TMEM117: variants seen among roughly 807,000 people sequenced by gnomAD.
TMEM117 encodes transmembrane protein 117.
Under a neutral mutation model 52.4 loss-of-function variants are expected in TMEM117, and 27 were observed. The ratio of observed to expected loss-of-function variants is 0.51; its 90% CI spans 0.38 to 0.71. The LOEUF (loss-of-function observed/expected upper bound fraction) is 0.71, where lower values mean the gene tolerates loss of function less well. TMEM117 is among the 30% of genes least tolerant of loss of function. The pLI, the probability that TMEM117 is intolerant of heterozygous loss-of-function variation, is 0.00. For synonymous variants in TMEM117, 215 were observed against 206.3 expected (o/e 1.04, Z -0.36); for missense variants, 556 against 630.5 (o/e 0.88, Z 1.26).
intron 5 of TMEM117, among the ~76,000 whole-genome samples, chr12:44,284,059 A>T (rs2138602926): frequency 6.6e-6 from 1 of 152,260 alleles, no homozygotes; most frequent in Non-Finnish European, 1.5e-5. Context: ...TCACATCTGT[A>T]ATCCCAGCAC....
chr12:43,869,353 G>A (rs1488348359), intron 2 of TMEM117, among the ~76,000 whole-genome samples: 2 of 152,128 alleles, frequency 1.3e-5, no homozygotes, highest in African/African-American at 4.8e-5. Flanking sequence ...CATTTATGAT[G>A]TGCCAGCTAC....
chr12:43,960,292 A>AG (rs1592395010), intron 3 of TMEM117, among the ~76,000 whole-genome samples: 1 of 141,814 alleles, frequency 7.1e-6, no homozygotes, highest in African/African-American at 2.6e-5. Context: ...GGCCCTGGAG[A>AG]GGGGGGTTGA....
chr12:43,929,850 C>T (rs985256315), intron 2 of TMEM117, among the ~76,000 whole-genome samples: 2 of 151,974 alleles, frequency 1.3e-5, no homozygotes, highest in Admixed American at 6.6e-5. Flanking sequence ...CTGACTTCTA[C>T]GTTATAATGC....
At chr12:44,130,199 T>C (rs1454010592) in intron 3 of TMEM117, among the ~76,000 whole-genome samples, 2 of 152,204 alleles carry the variant, frequency 1.3e-5, no homozygotes, top group Non-Finnish European at 2.9e-5. Flanking sequence ...CCTGCATAAA[T>C]GTGAAGGCCG....
At chr12:44,351,973 C>A (rs1951568455) in intron 6 of TMEM117, among the ~76,000 whole-genome samples, 1 of 151,966 alleles carries the variant, frequency 6.6e-6, no homozygotes, top group Admixed American at 6.6e-5. Context: ...CATTTCCCAG[C>A]AATCGCCCTC....
intron 3 of TMEM117, among the ~76,000 whole-genome samples, chr12:44,048,174 A>C (rs185731809): frequency 6.6e-6 from 1 of 152,158 alleles, no homozygotes; most frequent in Admixed American, 6.5e-5. Context: ...GTACACTCTT[A>C]TAGTTAGAGA....
intron 3 of TMEM117, among the ~76,000 whole-genome samples, chr12:43,958,968 G>A (rs867566938): frequency 3.2e-4 from 48 of 152,022 alleles, no homozygotes; most frequent in East Asian, 1.6e-3. Context: ...CACCACGCCC[G>A]GCTAATTTTT....
chr12:44,328,183 G>C (rs1282700289), intron 6 of TMEM117, among the ~76,000 whole-genome samples: 1 of 152,014 alleles, frequency 6.6e-6, no homozygotes, highest in Non-Finnish European at 1.5e-5. Flanking sequence ...AATTGTATTA[G>C]TTATGGCTGA....
intron 3 of TMEM117, among the ~76,000 whole-genome samples, chr12:44,106,074 G>A (rs1287570540): frequency 1.3e-5 from 2 of 151,944 alleles, no homozygotes; most frequent in African/African-American, 2.4e-5. Flanking sequence ...TCCCTCAGAG[G>A]TTTCTACTTA....
the TMEM117 span, chr12:43,795,808 A>T: frequency 3.8e-6 from 6 of 1,587,328 alleles, no homozygotes; most frequent in Non-Finnish European, 5.2e-6. Flanking sequence ...ACAAGCAACA[A>T]GCTGGTTTTC....
At chr12:43,987,156 C>G (rs1409009009) in intron 3 of TMEM117, among the ~76,000 whole-genome samples, 1 of 152,068 alleles carries the variant, frequency 6.6e-6, no homozygotes, top group East Asian at 1.9e-4. Flanking sequence ...GTTAAGGCAC[C>G]AGACACAAGC....
At position 44,311,813 on chromosome 12, in the gene TMEM117, GTATATATATGTATATATGTA is replaced by G. The variant is rs1565701523; in HGVS notation, c.768+12080_768+12099del. ...TATATATATGTATATATGTATATATGTATATATATGTATATATGTATATATGTATATATATGTATATATGT... is the reference window on the plus strand; with the variant it reads ...TATATATATGTATATATGTATATATGTATATGTATATATATGTATATATGT... On this transcript the variant is annotated intron_variant, in intron 6 of 7. Coordinates refer to ENST00000266534, the MANE Select transcript of TMEM117 (RefSeq NM_032256.3). Among the ~76,000 whole-genome samples, 9 of 93,282 alleles carry G rather than the reference GTATATATATGTATATATGTA, an allele frequency of 9.6e-5. No homozygotes were observed. The South Asian group carries it at 1.0e-3, about 11-fold the overall frequency. The allele number at this position is 93,282 out of a possible 152,430, so 61.2% of individuals were successfully genotyped here. A position where few individuals can be genotyped will look rare whatever the true frequency, so the allele number is the denominator to read the frequency against.
intron 5 of TMEM117, among the ~76,000 whole-genome samples, chr12:44,271,726 C>T (rs2138569230): frequency 6.6e-6 from 1 of 151,978 alleles, no homozygotes; most frequent in Admixed American, 6.6e-5. Flanking sequence ...GCAACAAAAG[C>T]AAAAACAGAC....
intron 5 of TMEM117, among the ~76,000 whole-genome samples, chr12:44,245,571 A>T (rs1950118372): frequency 1.3e-5 from 2 of 151,110 alleles, no homozygotes; most frequent in African/African-American, 4.9e-5. Context: ...TGAATTATTT[A>T]TCAGTTCTAA....
intron 6 of TMEM117, among the ~76,000 whole-genome samples, chr12:44,318,922 G>A (rs959576782): frequency 1.3e-5 from 2 of 152,218 alleles, no homozygotes; most frequent in African/African-American, 4.8e-5. Flanking sequence ...AGGTGAGCAG[G>A]ATGGAGCTCC....
At chr12:43,835,991 G>A (rs1471432778), upstream of TMEM117, 1 of 151,302 alleles carries the variant, frequency 6.6e-6, no homozygotes, top group Admixed American at 6.6e-5. Flanking sequence ...AGCGCGGCGC[G>A]GTGAAGCACC....
intron 6 of TMEM117, among the ~76,000 whole-genome samples, chr12:44,342,349 G>C (rs1592705880): frequency 6.6e-6 from 1 of 152,204 alleles, no homozygotes; most frequent in Non-Finnish European, 1.5e-5. Flanking sequence ...ATGGATTCTG[G>C]GCAACTGCTT....
intron 3 of TMEM117, among the ~76,000 whole-genome samples, chr12:44,007,186 G>A (rs1351289842): frequency 1.3e-5 from 2 of 152,068 alleles, no homozygotes; most frequent in African/African-American, 4.8e-5. Flanking sequence ...ATACACATGA[G>A]CATACATAAT....
chr12:44,129,309 C>T (rs924337751), intron 3 of TMEM117, among the ~76,000 whole-genome samples: 4 of 152,028 alleles, frequency 2.6e-5, no homozygotes, highest in Admixed American at 6.6e-5. Flanking sequence ...TGTTTGGAGA[C>T]GTCTCATCAT....
Sources: gnomAD v4.1 joint callset for allele counts (sites outside exome capture counted in the v4.1 genomes callset) on GRCh38, gnomAD v4.1.1 for gene constraint, MANE v1.5 for transcripts, NCBI Gene and HGNC (gene_info 2026-07-23, HGNC 2026-07-21) for gene names.